The following CRPPA variants were observed in gnomAD, a reference collection of about 807,000 sequenced individuals.
The protein encoded by CRPPA is D-ribitol-5-phosphate cytidylyltransferase.
In CRPPA, 43 loss-of-function variants were observed where a neutral mutation model predicts 52.0. That is an observed-to-expected ratio of 0.83 (90% CI 0.65 to 1.07). CRPPA has a LOEUF of 1.07. CRPPA is among the 50% of genes least tolerant of loss of function. CRPPA has a pLI of 0.00. For synonymous variants in CRPPA, 250 were observed against 203.5 expected (o/e 1.23, Z -1.94); for missense variants, 629 against 551.7 (o/e 1.14, Z -1.40).
At chr7:16,344,538 C>T (rs1191998946) in intron 3 of CRPPA, among the ~76,000 whole-genome samples, 2 of 151,368 alleles carry the variant, frequency 1.3e-5, no homozygotes, top group African/African-American at 4.9e-5. Context: ...GCAACAGAGA[C>T]CTTGTCTATC....
intron 9 of CRPPA, among the ~76,000 whole-genome samples, chr7:16,187,156 C>T (rs1002048669): frequency 6.6e-6 from 1 of 152,066 alleles, no homozygotes; most frequent in Non-Finnish European, 1.5e-5. Flanking sequence ...ATAAGGTTTT[C>T]TTTCCTCAAG....
intron 5 of CRPPA, among the ~76,000 whole-genome samples, chr7:16,279,731 T>C (rs1242916390): frequency 6.6e-6 from 1 of 152,048 alleles, no homozygotes; most frequent in Non-Finnish European, 1.5e-5. Flanking sequence ...TTGCAAACAA[T>C]CAAAATGATA....
intron 9 of CRPPA, among the ~76,000 whole-genome samples, chr7:16,105,861 C>T (rs1782140466): frequency 6.6e-6 from 1 of 152,068 alleles, no homozygotes; most frequent in African/African-American, 2.4e-5. Context: ...AGCAGCACCT[C>T]TATGAAGCTA....
At chr7:16,324,779 C>G (rs537897389) in intron 3 of CRPPA, among the ~76,000 whole-genome samples, 1 of 152,264 alleles carries the variant, frequency 6.6e-6, no homozygotes, top group Non-Finnish European at 1.5e-5. Context: ...GTGAAGATAC[C>G]CAAAACATGG....
intron 9 of CRPPA, among the ~76,000 whole-genome samples, chr7:16,126,876 A>G (rs1312957120): frequency 1.3e-5 from 2 of 152,206 alleles, no homozygotes; most frequent in African/African-American, 4.8e-5. Flanking sequence ...ATGAGCAACA[A>G]AAGGCAAAGA....
chr7:16,145,403 C>T (rs1274356822), intron 9 of CRPPA, among the ~76,000 whole-genome samples: 1 of 152,062 alleles, frequency 6.6e-6, no homozygotes, highest in Non-Finnish European at 1.5e-5. Flanking sequence ...AGCACAAACA[C>T]CAGTGCAAGG....
At chr7:16,360,930 C>G (rs1191388896) in intron 3 of CRPPA, among the ~76,000 whole-genome samples, 1 of 151,982 alleles carries the variant, frequency 6.6e-6, no homozygotes, top group Non-Finnish European at 1.5e-5. Context: ...ATAAAAAAAG[C>G]AATCTCTGGA....
chr7:16,406,189 C>G lies in CRPPA; in HGVS notation c.406G>C (p.Ala136Pro). The G allele has an allele frequency of 6.2e-7, 1 of 1,613,984 alleles. No homozygotes were observed. Among genetic ancestry groups the G allele is most frequent in the Non-Finnish European group, 8.5e-7 (1 of 1,179,888 alleles). The change falls in exon 2 of 10, where the codon GCA becomes CCA. Residue 136 changes from alanine (A) to proline (P), a missense_variant. Physicochemically the swap from Ala to Pro is conservative, Grantham distance 27. Coordinates refer to ENST00000407010, the MANE Select transcript of CRPPA (RefSeq NM_001101426.4). ...RHRSIFNGLKALAEDQINSKL... is the reference protein window; with the variant it reads ...RHRSIFNGLKPLAEDQINSKL... ...GAGTTGATCTGATCTTCTGCCAGTGCTTTTAGTCCATTGAAAATTGACCTG... is the reference window on the plus strand; with the variant it reads ...GAGTTGATCTGATCTTCTGCCAGTGGTTTTAGTCCATTGAAAATTGACCTG...
intron 4 of CRPPA, among the ~76,000 whole-genome samples, chr7:16,307,986 G>T (rs1391863842): frequency 5.9e-5 from 9 of 151,532 alleles, no homozygotes; most frequent in Non-Finnish European, 1.3e-4. Flanking sequence ...ATGGGGAATT[G>T]TAAGCTCTAA....
intron 8 of CRPPA, among the ~76,000 whole-genome samples, chr7:16,251,134 G>T (rs1783437660): frequency 6.6e-6 from 1 of 151,814 alleles, no homozygotes; most frequent in African/African-American, 2.4e-5. Context: ...ACAAGGAAGG[G>T]CATTACCTAT....
chr7:16,132,090 G>T lies in CRPPA; in HGVS notation c.1252-40291C>A, dbSNP rs77959937. ...GCCTTGGGGAACCACCTCCTGCCTG[G>T]CAAAGCTATAGGGGTAAGACTGCCA... On this transcript the variant is annotated intron_variant, in intron 9 of 9. Transcript: ENST00000407010. 6.5e-3 allele frequency among the ~76,000 whole-genome samples: 989 copies of T among 152,236 alleles called. 12 individuals carry two copies. The highest frequency in any genetic ancestry group is 0.022 in the African/African-American group (925 of 41,536).
intron 3 of CRPPA, among the ~76,000 whole-genome samples, chr7:16,353,386 T>G (rs887450616): frequency 6.6e-6 from 1 of 151,700 alleles, no homozygotes; most frequent in Non-Finnish European, 1.5e-5. Flanking sequence ...AAAAGTCAAA[T>G]TCATGGAAGC....
At position 16,421,240 on chromosome 7, in the gene CRPPA, G is replaced by A; in HGVS notation, c.83C>T (p.Ala28Val). 8 of 1,330,486 alleles carry A rather than the reference G, an allele frequency of 6.0e-6. No homozygotes were observed. Among genetic ancestry groups the A allele is most frequent in the Non-Finnish European group, 7.7e-6 (8 of 1,033,226 alleles). The allele number at this position is 1,330,486 out of a possible 1,614,324, so 82.4% of individuals were successfully genotyped here. ...GGCCACGCTCTGCAGGGAGGCGGAA[G>A]CCGTGTGGTCCGCGCCGCGCTGACC... is the stretch of plus-strand genomic sequence containing the variant. The part of the protein sequence containing the change: ...LSGQRGADHT[A>V]SASLQSVAGT... Residue 28 changes from alanine to valine, a missense_variant, in exon 1 of 10, where the codon GCT (alanine) becomes GTT (valine). Coordinates refer to ENST00000407010, the MANE Select transcript of CRPPA (RefSeq NM_001101426.4).
intron 8 of CRPPA, among the ~76,000 whole-genome samples, chr7:16,228,042 G>C (rs371167427): frequency 1.4e-4 from 22 of 151,860 alleles, no homozygotes; most frequent in African/African-American, 5.1e-4. Context: ...GTCTAAATCC[G>C]TTGGCTATAA....
At chr7:16,285,291 T>A (rs1056105891) in intron 5 of CRPPA, among the ~76,000 whole-genome samples, 6 of 152,124 alleles carry the variant, frequency 3.9e-5, no homozygotes, top group African/African-American at 1.4e-4. Context: ...GAAAATAGAC[T>A]GGGAATAAAT....
chr7:16,340,607 AAAAAAAAAG>A (rs543883721), intron 3 of CRPPA, among the ~76,000 whole-genome samples: 15,768 of 73,360 alleles, frequency 0.21, 852 homozygotes, highest in East Asian at 0.31. Context: ...GTGGAGCAAA[AAAAAAAAAG>A]AAAAAAAAAA....
At chr7:16,351,274 G>T (rs1452114443) in intron 3 of CRPPA, among the ~76,000 whole-genome samples, 1 of 152,088 alleles carries the variant, frequency 6.6e-6, no homozygotes, top group Non-Finnish European at 1.5e-5. Flanking sequence ...ATGGATTAAA[G>T]ATTTAAACCT....
chr7:16,328,851 T>C (rs1204088310), intron 3 of CRPPA, among the ~76,000 whole-genome samples: 1 of 152,122 alleles, frequency 6.6e-6, no homozygotes, highest in East Asian at 1.9e-4. Context: ...TACTGCATTT[T>C]GAGAGAGAAT....
chr7:16,342,783 A>ATC lies in CRPPA; in HGVS notation c.684+33308_684+33309insGA, dbSNP rs2128306289. Among the ~76,000 whole-genome samples the ATC allele has an allele frequency of 1.1e-4, 2 of 18,656 alleles. 1 individual carries two copies. The highest frequency in any genetic ancestry group is 2.7e-4 in the African/African-American group (2 of 7,484). 12.2% of individuals were successfully genotyped at this position (18,656 alleles called of 152,430 possible). On this transcript the variant is annotated intron_variant, in intron 3 of 9. Transcript: ENST00000407010. ...CTCCACAAAAAAAAAAAAAAAAAAAATATATATATATATATCTATATAGAT... is the reference window on the plus strand; with the variant it reads ...CTCCACAAAAAAAAAAAAAAAAAAAATCTATATATATATATATCTATATAGAT...
Sources: gnomAD v4.1 joint callset for allele counts (sites outside exome capture counted in the v4.1 genomes callset) on GRCh38, gnomAD v4.1.1 for gene constraint, MANE v1.5 for transcripts, NCBI Gene and HGNC (gene_info 2026-07-23, HGNC 2026-07-21) for gene names.